Variants in PLCB2 observed in about 807,000 individuals in gnomAD.
The protein encoded by PLCB2 is 1-phosphatidylinositol 4,5-bisphosphate phosphodiesterase beta-2.
In PLCB2, 115 loss-of-function variants were observed where a neutral mutation model predicts 141.7. The ratio of observed to expected loss-of-function variants is 0.81; its 90% confidence interval spans 0.70 to 0.95. The LOEUF (loss-of-function observed/expected upper bound fraction) is 0.95. Among genes scored for constraint, PLCB2 ranks in the 40% least tolerant of loss-of-function variants. PLCB2 has a pLI of 0.00. For missense variants in PLCB2, 1,403 were observed against 1,541.1 expected, an observed-to-expected ratio of 0.91 and a Z score of 1.50; for synonymous variants, 603 against 595.6, an observed-to-expected ratio of 1.01 and a Z score of -0.18.
chr15:40,285,551 G>A (rs1161314357), downstream of PLCB2: 25 of 985,122 alleles, frequency 2.5e-5, no homozygotes, highest in East Asian at 1.0e-3. Context: ...AGCTGCTCCC[G>A]CCCCAGAGCT....
intron 21 of PLCB2, 73 bp from the exon 22 acceptor site, chr15:40,292,516 C>A: frequency 9.5e-7 from 1 of 1,052,418 alleles, no homozygotes. Context: ...CAGCCTAGGA[C>A]CCAAGGGTCT....
chr15:40,305,028 G>A (rs4924450), intron 1 of PLCB2, among the ~76,000 whole-genome samples: 110,574 of 152,022 alleles, frequency 0.73, 40,596 homozygotes, highest in East Asian at 0.89. Context: ...CAGGGAAAAG[G>A]GAAAATTTTT....
rs1426939619 is a variant in PLCB2, at chr15:40,296,364, T to G, written c.1628A>C (p.Tyr543Ser). The G allele has an allele frequency of 6.2e-7, 1 of 1,613,724 alleles. No individual in the cohort carries two copies. The highest frequency in any genetic ancestry group is 8.5e-7 in the Non-Finnish European group (1 of 1,179,848). ...EGTAGLEVTAYEEMSSLVNYI... is the reference protein window; with the variant it reads ...EGTAGLEVTASEEMSSLVNYI... The stretch of plus-strand genomic sequence containing the variant: ...ATTGACTAGGCTGGACATCTCCTCA[T>G]AAGCCGTCACTTCCAGGCCCGCTGT... Residue 543 changes from tyrosine (Y) to serine (S), a missense_variant, in exon 16 of 32, where the codon TAT becomes TCT. Coordinates refer to ENST00000260402, the MANE Select transcript of PLCB2 (RefSeq NM_004573.3).
chr15:40,302,647 C>T, intron 3 of PLCB2, 38 bp from the exon 4 acceptor site: 1 of 1,609,290 alleles, frequency 6.2e-7, no homozygotes, highest in Non-Finnish European at 8.5e-7. Flanking sequence ...TGGAGGTGTG[C>T]TCCCTCCCTG....
At chr15:40,307,519 A>T in intron 1 of PLCB2, 70 bp downstream of exon 1, 1 of 1,005,686 alleles carries the variant, frequency 9.9e-7, no homozygotes, top group Non-Finnish European at 1.5e-6. Flanking sequence ...CTCCCACCCA[A>T]GCAAAGCCCC....
Position 40,295,045 on chromosome 15 carries a change from CT to C in PLCB2, c.1796del (p.Gln599ArgfsTer2). The C allele has an allele frequency of 6.2e-7, 1 of 1,613,040 alleles. No homozygotes were observed. Among genetic ancestry groups the C allele is most frequent in the East Asian group, 2.2e-5 (1 of 44,850 alleles). On this transcript the variant is annotated frameshift_variant, in exon 18 of 32. Coordinates refer to ENST00000260402, the MANE Select transcript of PLCB2 (RefSeq NM_004573.3). LOFTEE classifies it high-confidence loss of function. ...TTCCCTTGGGGTAAATGCGGCTCAT[CT>C]GGCGCTTGTTGTAGCTGTCCCTGAG... ...SVQFVDYNKRQMSRIYPKGTR... is the reference protein window; with the variant it reads ...SVQFVDYNKRXMSRIYPKGTR...
rs1410077595 is a variant in PLCB2, at chr15:40,294,264, G to A, written c.2061+2C>T. The A allele has an allele frequency of 6.2e-7, 1 of 1,613,452 alleles. No homozygotes were observed. The highest frequency in any genetic ancestry group is 2.2e-5 in the East Asian group (1 of 44,884). ...GGCCACTTGTGTGCCCCAGGGCCTT[G>A]CCGTAATGGAAAGGGTGGTGGCCAC... On this transcript the variant is annotated splice_donor_variant, in intron 19 of 31. Transcript: ENST00000260402. LOFTEE classifies it low-confidence loss of function (GC_TO_GT_DONOR).
At chr15:40,296,252 C>A (rs1339060721) in intron 16 of PLCB2, 44 bp downstream of exon 16, 1 of 1,450,102 alleles carries the variant, frequency 6.9e-7, no homozygotes, top group South Asian at 1.2e-5. Context: ...AGGGGGAGAT[C>A]CCCCTTCTTC....
intron 2 of PLCB2, 55 bp from the exon 3 acceptor site, chr15:40,303,411 G>A: frequency 7.5e-7 from 1 of 1,331,906 alleles, no homozygotes; most frequent in Non-Finnish European, 1.1e-6. Flanking sequence ...GGGACAAAAA[G>A]TCCAGGTCAA....
At chr15:40,305,141 G>A (rs1282578687) in intron 1 of PLCB2, among the ~76,000 whole-genome samples, 1 of 151,592 alleles carries the variant, frequency 6.6e-6, no homozygotes, top group East Asian at 1.9e-4. Context: ...CCTAGTGAGG[G>A]GTTTCAACTC....
intron 30 of PLCB2, 142 bp downstream of exon 30, chr15:40,289,883 C>T (rs1198567629): frequency 2.7e-6 from 2 of 749,366 alleles, no homozygotes; most frequent in Non-Finnish European, 2.4e-6. Flanking sequence ...AGTGCATCTC[C>T]TAAGGGCAAA....
Position 40,288,226 on chromosome 15 carries a change from A to G in PLCB2, c.*489T>C. On this transcript the variant is annotated 3_prime_UTR_variant, in exon 32 of 32. Coordinates refer to ENST00000260402, the MANE Select transcript of PLCB2 (RefSeq NM_004573.3). Reference sequence around the variant, plus strand: ...GGCCGTCCCCAGGGAGCTGTGAGGTAGTGCCAGGATCTGCCTCAAGGAGTG... The same window carrying G: ...GGCCGTCCCCAGGGAGCTGTGAGGTGGTGCCAGGATCTGCCTCAAGGAGTG... The G allele has an allele frequency of 6.1e-6, 6 of 986,020 alleles. No individual in the cohort carries two copies. Among genetic ancestry groups the G allele is most frequent in the South Asian group, 4.7e-5 (1 of 21,292 alleles). The allele number at this position is 986,020 out of a possible 1,614,324, so 61.1% of individuals were successfully genotyped here.
chr15:40,298,210 C>A lies in PLCB2; in HGVS notation c.1155+13G>T. The A allele has an allele frequency of 6.5e-7, 1 of 1,543,404 alleles. No homozygotes were observed. The highest frequency in any genetic ancestry group is 1.9e-5 in the Admixed American group (1 of 51,294). On this transcript the variant is annotated intron_variant, in intron 11 of 31. Transcript: ENST00000260402. Reference sequence around the variant, plus strand: ...ACTGCCACGGCCACCAGCCTCTGTGCCCAGGGTCTCACTTTGAAGAAGATG... The same window carrying A: ...ACTGCCACGGCCACCAGCCTCTGTGACCAGGGTCTCACTTTGAAGAAGATG...
rs369202732 is a variant in PLCB2, at chr15:40,302,239, C to T, written c.452+31G>A. Reference sequence around the variant, plus strand: ...AGGCCCAGGGCTGGCATGCTCAGCACCAGGGCTCAGGCCAGGCAGAGGGCA... The same window carrying T: ...AGGCCCAGGGCTGGCATGCTCAGCATCAGGGCTCAGGCCAGGCAGAGGGCA... On this transcript the variant is annotated intron_variant, in intron 5 of 31. Coordinates refer to ENST00000260402, the MANE Select transcript of PLCB2 (RefSeq NM_004573.3). 5.0e-6 allele frequency: 8 copies of T among 1,613,944 alleles called. No individual in the cohort carries two copies. The African/African-American group carries it at 8.0e-5, about 16-fold the overall frequency.
At chr15:40,293,523 C>T in intron 20 of PLCB2, 37 bp downstream of exon 20, 1 of 1,602,152 alleles carries the variant, frequency 6.2e-7, no homozygotes, top group Non-Finnish European at 8.5e-7. Flanking sequence ...AGGCCAAGAA[C>T]TAGACAGACT....
chr15:40,289,533 A>G, intron 30 of PLCB2, 175 bp from the exon 31 acceptor site: 1 of 615,828 alleles, frequency 1.6e-6, no homozygotes, highest in Non-Finnish European at 2.9e-6. Context: ...GGACTGTAAA[A>G]GATTATACAA....
chr15:40,296,009 C>T (rs1473504785), intron 16 of PLCB2, among the ~76,000 whole-genome samples: 1 of 152,166 alleles, frequency 6.6e-6, no homozygotes, highest in African/African-American at 2.4e-5. Context: ...TGGGCCAGCC[C>T]ACAGCACAGT....
Position 40,290,818 on chromosome 15 carries a change from T to C in PLCB2, c.3056A>G (p.Glu1019Gly), listed in dbSNP as rs2039853178. 6.2e-7 allele frequency: 1 copy of C among 1,611,916 alleles called. No individual in the cohort carries two copies. Residue 1019 changes from glutamate to glycine, a missense_variant, in exon 28 of 32, where the codon GAG (glutamate) becomes GGG (glycine). Glu to Gly is a moderately conservative substitution (Grantham distance 98, BLOSUM62 -2). Transcript: ENST00000260402. ...TGCCGCCTGTTTCTCTCTGGCCAGCTCCATCATTTTGGAGATTTGCTGCAG... is the reference window on the plus strand; with the variant it reads ...TGCCGCCTGTTTCTCTCTGGCCAGCCCCATCATTTTGGAGATTTGCTGCAG... Reference protein sequence around the residue: ...HVAEQISKMMELAREKQAAEL... With the variant: ...HVAEQISKMMGLAREKQAAEL...
chr15:40,291,943 T>TTCC lies in PLCB2; in HGVS notation c.2527-20_2527-19insGGA. 1 of 1,613,572 alleles carries TTCC rather than the reference T, an allele frequency of 6.2e-7. No homozygotes were observed. The highest frequency in any genetic ancestry group is 8.5e-7 in the Non-Finnish European group (1 of 1,179,588). The stretch of plus-strand genomic sequence containing the variant: ...AGGGCTTCTGTGTAGGGAGAGCAGG[T>TTCC]CAGGAAGGTGGCTTGACAGCCCTCT... On this transcript the variant is annotated intron_variant, in intron 23 of 31. Coordinates refer to ENST00000260402, the MANE Select transcript of PLCB2 (RefSeq NM_004573.3).
Sources: gnomAD v4.1 joint callset for allele counts (sites outside exome capture counted in the v4.1 genomes callset) on GRCh38, gnomAD v4.1.1 for gene constraint, MANE v1.5 for transcripts, NCBI Gene and HGNC (gene_info 2026-07-23, HGNC 2026-07-21) for gene names.